Variants in RBKS observed in about 807,000 individuals in gnomAD.
The protein encoded by RBKS is ribokinase.
A neutral mutation model predicts 33.9 loss-of-function variants in RBKS; 33 were observed. That is an observed-to-expected ratio of 0.97 (90% CI 0.74 to 1.30). RBKS has a LOEUF of 1.30. Among genes scored for constraint, RBKS ranks in the 50% most tolerant of loss-of-function variants. RBKS has a pLI of 0.00. For missense variants in RBKS, 361 were observed against 392.6 expected (o/e 0.92, Z 0.68); for synonymous variants, 125 against 143.0 (o/e 0.87, Z 0.90).
rs1244948717 is a variant in RBKS, at chr2:27,848,109, A to C, written c.223-12T>G. ...GAATCTTTGCCAACCTGTACCAAAG[A>C]AATAATGAATATTAGATCTTTTAGA... On this transcript the variant is annotated splice_polypyrimidine_tract_variant and intron_variant, in intron 2 of 7. Coordinates refer to ENST00000302188, the MANE Select transcript of RBKS (RefSeq NM_022128.3). 1 of 1,408,704 alleles carries C rather than the reference A, an allele frequency of 7.1e-7. No homozygotes were observed. Among genetic ancestry groups the C allele is most frequent in the Admixed American group, 1.9e-5 (1 of 53,642 alleles). 87.3% of individuals were successfully genotyped at this position (1,408,704 alleles called of 1,614,324 possible).
At chr2:27,802,334 G>T (rs976285519) in intron 7 of RBKS, among the ~76,000 whole-genome samples, 4 of 151,752 alleles carry the variant, frequency 2.6e-5, no homozygotes, top group African/African-American at 9.7e-5. Flanking sequence ...TATAGCAGTA[G>T]GTTAGCTGTA....
intron 7 of RBKS, among the ~76,000 whole-genome samples, chr2:27,802,483 C>T (rs551945363): frequency 1.1e-4 from 16 of 151,290 alleles, no homozygotes; most frequent in African/African-American, 1.5e-4. Context: ...AAAAATTTCA[C>T]GGGGGAAGAG....
At chr2:27,883,908 C>T (rs561364992) in intron 1 of RBKS, among the ~76,000 whole-genome samples, 1 of 152,180 alleles carries the variant, frequency 6.6e-6, no homozygotes, top group African/African-American at 2.4e-5. Flanking sequence ...CCAAATTTCC[C>T]ATGAATGATT....
intron 1 of RBKS, chr2:27,861,367 AG>A: frequency 2.4e-6 from 1 of 419,334 alleles, no homozygotes; most frequent in Non-Finnish European, 5.0e-6. Flanking sequence ...GGAGACTGGC[AG>A]GGATGACTGG....
At chr2:27,888,351 C>T (rs1664592093) in intron 1 of RBKS, among the ~76,000 whole-genome samples, 1 of 152,096 alleles carries the variant, frequency 6.6e-6, no homozygotes, top group African/African-American at 2.4e-5. Flanking sequence ...TGGTCTGAAA[C>T]TCCTCACTCA....
chr2:27,862,480 T>C (rs13021285), intron 1 of RBKS, among the ~76,000 whole-genome samples: 39,461 of 152,046 alleles, frequency 0.26, 6,144 homozygotes, highest in East Asian at 0.63. Context: ...CTGCCTCATT[T>C]ACTAGCCACC....
intron 7 of RBKS, among the ~76,000 whole-genome samples, chr2:27,805,669 G>T (rs898612923): frequency 6.6e-6 from 1 of 152,020 alleles, no homozygotes; most frequent in African/African-American, 2.4e-5. Flanking sequence ...CTACCTTCCG[G>T]GTTCAAGCGA....
chr2:27,876,301 A>G (rs972346802), intron 1 of RBKS, among the ~76,000 whole-genome samples: 6 of 152,332 alleles, frequency 3.9e-5, no homozygotes, highest in African/African-American at 1.4e-4. Context: ...TTTCAGCCTT[A>G]AAAGGAAGAA....
At position 27,781,657 on chromosome 2, in the gene RBKS, T is replaced by TA. The variant is rs1677286432; in HGVS notation, c.926_927insT (p.Ser310IlefsTer37). ...GAAGGTCTTTTTTGTAAGGGTAAGA[T>TA]GACTGTGTTCCTGCAGCCTGGACAC... On this transcript the variant is annotated frameshift_variant, in exon 8 of 8. Coordinates refer to ENST00000302188, the MANE Select transcript of RBKS (RefSeq NM_022128.3). LOFTEE classifies it high-confidence loss of function. 2 of 1,613,920 alleles carry TA rather than the reference T, an allele frequency of 1.2e-6. No homozygotes were observed. The highest frequency in any genetic ancestry group is 2.7e-5 in the African/African-American group (2 of 74,910).
chr2:27,818,267 G>A (rs143537222), intron 7 of RBKS, among the ~76,000 whole-genome samples: 49 of 152,242 alleles, frequency 3.2e-4, no homozygotes, highest in African/African-American at 1.2e-3. Context: ...TCATTTAAAC[G>A]AGGCTGCAGT....
intron 7 of RBKS, among the ~76,000 whole-genome samples, chr2:27,786,077 T>C (rs1431314708): frequency 6.6e-6 from 1 of 152,122 alleles, no homozygotes; most frequent in Non-Finnish European, 1.5e-5. Context: ...TCAGCATCCA[T>C]GATCCCATTT....
intron 2 of RBKS, among the ~76,000 whole-genome samples, chr2:27,855,520 G>T (rs911548394): frequency 2.0e-5 from 3 of 152,180 alleles, no homozygotes; most frequent in Non-Finnish European, 4.4e-5. Context: ...AATGGAGCAG[G>T]AAACACTTAA....
At chr2:27,866,112 T>C (rs1252034379) in intron 1 of RBKS, among the ~76,000 whole-genome samples, 1 of 152,180 alleles carries the variant, frequency 6.6e-6, no homozygotes, top group Non-Finnish European at 1.5e-5. Flanking sequence ...GTGTGAGTTT[T>C]CTGGTGATAA....
At chr2:27,871,805 G>C (rs1573075824) in intron 1 of RBKS, among the ~76,000 whole-genome samples, 3 of 152,300 alleles carry the variant, frequency 2.0e-5, no homozygotes, top group Admixed American at 1.3e-4. Context: ...ATAGGGTTTT[G>C]ATATAAGTCT....
intron 1 of RBKS, among the ~76,000 whole-genome samples, chr2:27,886,019 T>C (rs1303581171): frequency 1.3e-5 from 2 of 152,252 alleles, no homozygotes; most frequent in Non-Finnish European, 2.9e-5. Context: ...TTTGACTTTA[T>C]ATCCCATAAG....
intron 7 of RBKS, among the ~76,000 whole-genome samples, chr2:27,807,443 A>C (rs1677916388): frequency 6.6e-6 from 1 of 152,150 alleles, no homozygotes; most frequent in Admixed American, 6.5e-5. Flanking sequence ...GCAGTGGTGC[A>C]ATCACGGCTC....
At chr2:27,863,644 A>G (rs1025934219) in intron 1 of RBKS, among the ~76,000 whole-genome samples, 3 of 152,226 alleles carry the variant, frequency 2.0e-5, no homozygotes, top group African/African-American at 7.2e-5. Flanking sequence ...AAAGTCACCA[A>G]ATGTGTTGCT....
rs1491245145 is a variant in RBKS at position 27,801,462 on chromosome 2, T to TACACACAC, written c.796-19675_796-19674insGTGTGTGT. On this transcript the variant is annotated intron_variant, in intron 7 of 7. Coordinates refer to ENST00000302188, the MANE Select transcript of RBKS (RefSeq NM_022128.3). ...ACAAATGCTCTCCAAAGGGCCACAG[T>TACACACAC]ATACACACACACACACACACACACA... 2.5e-3 allele frequency among the ~76,000 whole-genome samples: 206 copies of TACACACAC among 83,052 alleles called. 4 individuals carry two copies. Among genetic ancestry groups the TACACACAC allele is most frequent in the East Asian group, 6.9e-3 (28 of 4,030 alleles). The allele number at this position is 83,052 out of a possible 152,430, so 54.5% of individuals were successfully genotyped here. A position where few individuals can be genotyped will look rare whatever the true frequency, so the allele number is the denominator to read the frequency against.
intron 1 of RBKS, among the ~76,000 whole-genome samples, chr2:27,886,307 T>C (rs1664526835): frequency 6.6e-6 from 1 of 152,222 alleles, no homozygotes; most frequent in Admixed American, 6.5e-5. Context: ...TTGGATGCCA[T>C]CTAAAAGGGC....
Sources: allele counts gnomAD v4.1 joint callset (sites outside exome capture counted in the v4.1 genomes callset), GRCh38; gene constraint gnomAD v4.1.1; transcripts MANE v1.5; gene names NCBI Gene and HGNC (gene_info 2026-07-23, HGNC 2026-07-21).